The following ADGB variants were observed in gnomAD, a reference collection of about 807,000 sequenced individuals.
The protein encoded by ADGB is androglobin.
In ADGB, 172 loss-of-function variants were observed where a neutral mutation model predicts 210.5. That is an observed-to-expected ratio of 0.82 (90% CI 0.72 to 0.93). The LOEUF (loss-of-function observed/expected upper bound fraction) is 0.93. Among genes scored for constraint, ADGB ranks in the 40% least tolerant of loss-of-function variants. ADGB has a pLI of 0.00. For missense variants in ADGB, 2,025 were observed against 1,964.8 expected (o/e 1.03, Z -0.58); for synonymous variants, 658 against 662.7 (o/e 0.99, Z 0.11).
intron 35 of ADGB, among the ~76,000 whole-genome samples, chr6:146,812,987 G>A (rs182971510): frequency 7.2e-5 from 11 of 152,276 alleles, no homozygotes; most frequent in East Asian, 5.8e-4. Flanking sequence ...TCCCTTTGGC[G>A]TAATGAGTTT....
chr6:146,751,509 C>T (rs1392304708), intron 26 of ADGB, among the ~76,000 whole-genome samples: 2 of 152,190 alleles, frequency 1.3e-5, no homozygotes, highest in African/African-American at 4.8e-5. Flanking sequence ...AATGGGATTG[C>T]TGGGTCAAAT....
rs558897592 is a variant in ADGB, at chr6:146,729,463, TC to T, written c.2520+723del. The stretch of plus-strand genomic sequence containing the variant: ...CTTTCTCTTTTTTCAAGAGATGGGG[TC>T]TTGCTCTGTCACCCAGGCTGGCTTG... On this transcript the variant is annotated intron_variant, in intron 20 of 35. Transcript: ENST00000397944. 2.0e-5 allele frequency among the ~76,000 whole-genome samples: 3 copies of T among 152,216 alleles called. No homozygotes were observed. The South Asian group carries it at 6.2e-4, about 32-fold the overall frequency.
intron 35 of ADGB, among the ~76,000 whole-genome samples, chr6:146,810,024 A>T (rs1415478954): frequency 6.6e-6 from 1 of 152,028 alleles, no homozygotes; most frequent in Non-Finnish European, 1.5e-5. Context: ...GACAATCTAT[A>T]GAATGGGAGA....
At chr6:146,781,849 T>C (rs984705900) in intron 29 of ADGB, among the ~76,000 whole-genome samples, 171 bp from the exon 30 acceptor site, 4 of 152,330 alleles carry the variant, frequency 2.6e-5, no homozygotes, top group African/African-American at 9.6e-5. Flanking sequence ...ATGAATTATA[T>C]GTAGATTTTA....
chr6:146,776,451 C>G (rs1481995463), intron 29 of ADGB, among the ~76,000 whole-genome samples: 1 of 151,710 alleles, frequency 6.6e-6, no homozygotes, highest in Non-Finnish European at 1.5e-5. Context: ...CTTCAAAGAA[C>G]TTAAAATTTA....
chr6:146,749,124 C>G (rs1777284238), intron 26 of ADGB, among the ~76,000 whole-genome samples: 1 of 152,144 alleles, frequency 6.6e-6, no homozygotes, highest in Non-Finnish European at 1.5e-5. Flanking sequence ...GTAAAATTGA[C>G]AGCCTTGCTG....
At chr6:146,746,824 C>T (rs774700851) in intron 26 of ADGB, among the ~76,000 whole-genome samples, 1 of 152,150 alleles carries the variant, frequency 6.6e-6, no homozygotes, top group Non-Finnish European at 1.5e-5. Context: ...ACACAGTGTG[C>T]TCTCCTGATG....
chr6:146,616,497 A>G (rs1780801380), intron 1 of ADGB, among the ~76,000 whole-genome samples: 2 of 151,734 alleles, frequency 1.3e-5, no homozygotes, highest in Non-Finnish European at 1.5e-5. Flanking sequence ...AAATATATAT[A>G]TTTGCTCAAA....
At chr6:146,812,108 T>C (rs1778311861) in intron 35 of ADGB, among the ~76,000 whole-genome samples, 1 of 152,246 alleles carries the variant, frequency 6.6e-6, no homozygotes, top group African/African-American at 2.4e-5. Flanking sequence ...CAAAGCATAC[T>C]TCTCTGGGAT....
At chr6:146,655,644 A>G (rs1388366452) in intron 4 of ADGB, among the ~76,000 whole-genome samples, 1 of 152,184 alleles carries the variant, frequency 6.6e-6, no homozygotes, top group Non-Finnish European at 1.5e-5. Flanking sequence ...AACCAGTTAT[A>G]CATATTAGTA....
intron 23 of ADGB, 50 bp from the exon 24 acceptor site, chr6:146,740,403 GTTTATC>G (rs1338147215): frequency 7.2e-7 from 1 of 1,393,154 alleles, no homozygotes; most frequent in African/African-American, 1.5e-5. Flanking sequence ...TGTAAATAGA[GTTTATC>G]TTTAAAGTGG....
chr6:146,726,094 T>C lies in ADGB; in HGVS notation c.2249T>C (p.Leu750Pro). The C allele has an allele frequency of 6.5e-7, 1 of 1,532,626 alleles. No homozygotes were observed. The highest frequency in any genetic ancestry group is 1.4e-5 in the African/African-American group (1 of 72,950). 94.9% of individuals were successfully genotyped at this position (1,532,626 alleles called of 1,614,324 possible). A position where few individuals can be genotyped will look rare whatever the true frequency, so the allele number is the denominator to read the frequency against. The part of the protein sequence containing the change: ...VVRLPVGRHM[L>P]LFNAYSPVGH... ...TCCCTTCTCTTTAGGAGACACATGC[T>C]ACTCTTCAACGCATACTCCCCAGTA... The change falls in exon 19 of 36, where the codon CTA becomes CCA. Residue 750 changes from leucine to proline, a missense_variant. Leu to Pro is a moderately conservative substitution (Grantham distance 98). Transcript: ENST00000397944.
intron 13 of ADGB, among the ~76,000 whole-genome samples, chr6:146,711,948 G>A (rs577958508): frequency 1.8e-4 from 28 of 151,904 alleles, no homozygotes; most frequent in Non-Finnish European, 3.5e-4. Flanking sequence ...TCCCAGCTCT[G>A]TGGGAGGCTG....
intron 1 of ADGB, among the ~76,000 whole-genome samples, chr6:146,611,159 G>A (rs1780703949): frequency 6.6e-6 from 1 of 151,964 alleles, no homozygotes; most frequent in African/African-American, 2.4e-5. Context: ...TTTGGTGAAT[G>A]AGCTATGGAA....
rs75709255 is a variant in ADGB, at chr6:146,673,456, C to G, written c.1087+989C>G. 1.8e-3 allele frequency among the ~76,000 whole-genome samples: 276 copies of G among 152,242 alleles called. 4 individuals carry two copies. In the East Asian group the frequency reaches 0.028, roughly 15 times the overall value. ...TGCATCTTTGTTGTCGTTATCCTTT[C>G]TTAAGTTTTTGTGACAACAGCCATG... On this transcript the variant is annotated intron_variant, in intron 8 of 35. Transcript: ENST00000397944.
intron 8 of ADGB, among the ~76,000 whole-genome samples, chr6:146,675,551 G>A (rs1239385397): frequency 6.6e-6 from 1 of 151,962 alleles, no homozygotes; most frequent in Non-Finnish European, 1.5e-5. Flanking sequence ...TAATGTCACA[G>A]TTTTTATTTA....
At chr6:146,702,847 G>A (rs932215758) in intron 13 of ADGB, among the ~76,000 whole-genome samples, 1 of 151,652 alleles carries the variant, frequency 6.6e-6, no homozygotes, top group Non-Finnish European at 1.5e-5. Context: ...GGATTGTTTG[G>A]CCAACAAATA....
At chr6:146,737,413 C>T (rs770678495) in intron 23 of ADGB, among the ~76,000 whole-genome samples, 21 of 151,998 alleles carry the variant, frequency 1.4e-4, no homozygotes, top group Non-Finnish European at 2.2e-4. Flanking sequence ...TGGAAAATAG[C>T]GTAAGGGACT....
chr6:146,610,834 T>C (rs1780697965), intron 1 of ADGB, among the ~76,000 whole-genome samples: 1 of 151,934 alleles, frequency 6.6e-6, no homozygotes, highest in Non-Finnish European at 1.5e-5. Flanking sequence ...TGTGCACTGG[T>C]GGTAAGTTGT....
Sources: allele counts gnomAD v4.1 joint callset (sites outside exome capture counted in the v4.1 genomes callset), GRCh38; gene constraint gnomAD v4.1.1; transcripts MANE v1.5; gene names NCBI Gene and HGNC (gene_info 2026-07-23, HGNC 2026-07-21).